MAGI1: variants seen among roughly 807,000 people sequenced by gnomAD.
MAGI1 encodes the protein membrane associated guanylate kinase, WW and PDZ domain containing 1.
MAGI1 carries 58 observed loss-of-function variants against 139.9 expected under a neutral mutation model. The ratio of observed to expected loss-of-function variants is 0.41; its 90% CI spans 0.34 to 0.52. The LOEUF (loss-of-function observed/expected upper bound fraction) is 0.52. Ranked by LOEUF, MAGI1 falls within the 20% of genes least tolerant of loss-of-function variation. MAGI1 has a pLI of 0.12. For missense variants in MAGI1, 1,874 were observed against 1,901.6 expected (o/e 0.99, Z 0.27); for synonymous variants, 812 against 737.9 (o/e 1.10, Z -1.63).
intron 13 of MAGI1, among the ~76,000 whole-genome samples, chr3:65,397,645 C>T (rs1340321155): frequency 6.6e-6 from 1 of 151,968 alleles, no homozygotes; most frequent in Non-Finnish European, 1.5e-5. Flanking sequence ...GTTGCCTAGG[C>T]TGCTGGGGAA....
intron 1 of MAGI1, among the ~76,000 whole-genome samples, chr3:65,725,529 C>A (rs145414285): frequency 6.6e-6 from 1 of 152,162 alleles, no homozygotes; most frequent in Non-Finnish European, 1.5e-5. Flanking sequence ...CTCTGCCAAA[C>A]CCTGGTGGCT....
chr3:65,993,069 G>A (rs769565753), intron 1 of MAGI1, among the ~76,000 whole-genome samples: 2 of 151,918 alleles, frequency 1.3e-5, no homozygotes, highest in Admixed American at 6.6e-5. Context: ...GTGCTCAAGC[G>A]ATCCTCTTGC....
intron 1 of MAGI1, among the ~76,000 whole-genome samples, chr3:65,976,911 A>AAG (rs1389456835): frequency 1.3e-5 from 2 of 152,186 alleles, no homozygotes; most frequent in African/African-American, 4.8e-5. Flanking sequence ...CAACAGGTAG[A>AAG]AGGCATCCTC....
intron 5 of MAGI1, among the ~76,000 whole-genome samples, chr3:65,461,957 C>G (rs1949826984): frequency 6.6e-6 from 1 of 152,128 alleles, no homozygotes; most frequent in African/African-American, 2.4e-5. Flanking sequence ...CCTTTGCCCA[C>G]TTTTTGATAG....
At position 65,802,223 on chromosome 3, in the gene MAGI1, G is replaced by A. The variant is rs78887595; in HGVS notation, c.314-180135C>T. Among the ~76,000 whole-genome samples, 459 of 152,272 alleles carry A rather than the reference G, an allele frequency of 3.0e-3. 2 individuals carry two copies. Among genetic ancestry groups the A allele is most frequent in the African/African-American group, 0.011 (437 of 41,548 alleles). On this transcript the variant is annotated intron_variant, in intron 1 of 22. Transcript: ENST00000402939. ...GTGCAACGCATTATTCTTAGCATTTGAGGTACAATTCTGCCCTTAAAATTC... is the reference window on the plus strand; with the variant it reads ...GTGCAACGCATTATTCTTAGCATTTAAGGTACAATTCTGCCCTTAAAATTC...
chr3:65,737,066 G>A lies in MAGI1; in HGVS notation c.314-114978C>T, dbSNP rs369595254. On this transcript the variant is annotated intron_variant, in intron 1 of 22. Transcript: ENST00000402939. ...TGTCCCTAGGCTGGAGTGCAGTGGC[G>A]CGATCTCGGCTCACTACAAGCTCCA... 4.0e-5 allele frequency among the ~76,000 whole-genome samples: 6 copies of A among 151,752 alleles called. 1 individual carries two copies. In the South Asian group the frequency reaches 6.2e-4, roughly 16 times the overall value.
intron 1 of MAGI1, among the ~76,000 whole-genome samples, chr3:65,881,436 G>A (rs969797848): frequency 3.9e-5 from 6 of 152,116 alleles, no homozygotes; most frequent in Middle Eastern, 3.2e-3. Flanking sequence ...AGACTAGGCT[G>A]GGCAGGGTGG....
At chr3:65,917,519 T>G (rs531069774) in intron 1 of MAGI1, among the ~76,000 whole-genome samples, 3 of 152,268 alleles carry the variant, frequency 2.0e-5, no homozygotes, top group Admixed American at 1.3e-4. Context: ...TATAAAAGCT[T>G]TATGTGCAAT....
intron 1 of MAGI1, among the ~76,000 whole-genome samples, chr3:65,692,744 G>A (rs2088790781): frequency 6.6e-6 from 1 of 152,104 alleles, no homozygotes; most frequent in Non-Finnish European, 1.5e-5. Flanking sequence ...GAGTGGGTGA[G>A]TTGTCATGAG....
intron 8 of MAGI1, among the ~76,000 whole-genome samples, chr3:65,442,081 C>CTTTTTTTT (rs5849668): frequency 6.9e-6 from 1 of 144,658 alleles, no homozygotes; most frequent in South Asian, 2.2e-4. Flanking sequence ...TAATACAAAG[C>CTTTTTTTT]TTTTTTTTTT....
chr3:65,799,824 G>A (rs535776635), intron 1 of MAGI1, among the ~76,000 whole-genome samples: 1 of 152,166 alleles, frequency 6.6e-6, no homozygotes, highest in Non-Finnish European at 1.5e-5. Flanking sequence ...AAACTCTGTA[G>A]TGTATTGCAC....
intron 1 of MAGI1, among the ~76,000 whole-genome samples, chr3:66,006,476 T>C (rs1480889247): frequency 1.3e-5 from 2 of 152,220 alleles, no homozygotes; most frequent in Non-Finnish European, 2.9e-5. Context: ...TAGGTATATA[T>C]GTATATATGT....
At chr3:65,734,103 G>A (rs1183762740) in intron 1 of MAGI1, among the ~76,000 whole-genome samples, 1 of 152,142 alleles carries the variant, frequency 6.6e-6, no homozygotes, top group Non-Finnish European at 1.5e-5. Flanking sequence ...GGCTGACAGG[G>A]TTTGGAGAAC....
chr3:65,601,644 T>C (rs1019794544), intron 2 of MAGI1, among the ~76,000 whole-genome samples: 1 of 152,030 alleles, frequency 6.6e-6, no homozygotes, highest in Non-Finnish European at 1.5e-5. Flanking sequence ...AAATGCACCA[T>C]GGACCTAAAA....
intron 2 of MAGI1, among the ~76,000 whole-genome samples, chr3:65,582,802 TG>T (rs2081500254): frequency 6.6e-6 from 1 of 152,206 alleles, no homozygotes. Flanking sequence ...TCCATGAATG[TG>T]TGTTTTCCAA....
intron 2 of MAGI1, among the ~76,000 whole-genome samples, chr3:65,502,592 G>A (rs2077124238): frequency 6.6e-6 from 1 of 152,182 alleles, no homozygotes; most frequent in African/African-American, 2.4e-5. Context: ...ACTGTCTGGT[G>A]AGAGGACCCT....
In MAGI1 at chr3:65,470,372, G is replaced by A. The variant is rs1485907213; in HGVS notation, c.870C>T (p.Tyr290=). ...ITDPSQKFPQ[Y]LPLSAEDNLG... Reference sequence around the variant, plus strand: ...AATTATCCTCTGCAGAAAGAGGTAGGTATTGAGGGAACTTCTGAGAAGGGT... The same window carrying A: ...AATTATCCTCTGCAGAAAGAGGTAGATATTGAGGGAACTTCTGAGAAGGGT... Residue 290 remains tyrosine, a synonymous_variant, in exon 5 of 23, where the codon TAC becomes TAT. Transcript: ENST00000402939. 7 of 1,613,546 alleles carry A rather than the reference G, an allele frequency of 4.3e-6. No homozygotes were observed. The African/African-American group carries it at 5.3e-5, about 12-fold the overall frequency.
chr3:65,629,794 GTTACCCT>G (rs1233764669), intron 1 of MAGI1, among the ~76,000 whole-genome samples: 1 of 152,054 alleles, frequency 6.6e-6, no homozygotes, highest in Non-Finnish European at 1.5e-5. Context: ...TCACTGGAGA[GTTACCCT>G]TTAATGGGTG....
intron 1 of MAGI1, among the ~76,000 whole-genome samples, chr3:65,998,505 A>C (rs561052681): frequency 2.6e-5 from 4 of 152,324 alleles, no homozygotes; most frequent in Admixed American, 6.5e-5. Flanking sequence ...TTCTGCAACA[A>C]ATCAAGTATT....
Sources: allele counts gnomAD v4.1 joint callset (sites outside exome capture counted in the v4.1 genomes callset), GRCh38; gene constraint gnomAD v4.1.1; transcripts MANE v1.5; gene names NCBI Gene and HGNC (gene_info 2026-07-23, HGNC 2026-07-21).